Variants in CSGALNACT1 observed in about 807,000 individuals in gnomAD.
CSGALNACT1 encodes the protein beta4GalNAcT-1.
CSGALNACT1 carries 52 observed loss-of-function variants against 51.0 expected under a neutral mutation model. The observed-to-expected ratio is 1.02, with a 90% CI of 0.82 to 1.29. CSGALNACT1 has a LOEUF of 1.29. Among genes scored for constraint, CSGALNACT1 ranks in the 50% most tolerant of loss-of-function variants. The pLI is 0.00. For synonymous variants in CSGALNACT1, 341 were observed against 254.4 expected (o/e 1.34, Z -3.24); for missense variants, 935 against 679.2 (o/e 1.38, Z -4.19).
chr8:19,538,369 A>T (rs183618715), intron 3 of CSGALNACT1, among the ~76,000 whole-genome samples: 1 of 152,128 alleles, frequency 6.6e-6, no homozygotes, highest in African/African-American at 2.4e-5. Flanking sequence ...ATAAAAAAAA[A>T]GTCATATAAT....
intron 4 of CSGALNACT1, among the ~76,000 whole-genome samples, chr8:19,497,842 T>A (rs1432797118): frequency 6.6e-6 from 1 of 152,108 alleles, no homozygotes; most frequent in African/African-American, 2.4e-5. Flanking sequence ...ATTGCCTACT[T>A]TGGAGAGGCT....
intron 9 of CSGALNACT1, among the ~76,000 whole-genome samples, chr8:19,408,273 C>A (rs2054754401): frequency 1.3e-5 from 2 of 151,986 alleles, no homozygotes; most frequent in African/African-American, 2.4e-5. Flanking sequence ...TACTACCAGG[C>A]CCCCTCTTGG....
rs147396745 is a variant in CSGALNACT1 at position 19,477,258 on chromosome 8, C to T, written c.635-18616G>A. On this transcript the variant is annotated intron_variant, in intron 4 of 9. Transcript: ENST00000454498. ...GCTGGAACATAAGGCCACTCAGGCTCCCCATAGAGCTGGGCAGTGGGGGTT... is the reference window on the plus strand; with the variant it reads ...GCTGGAACATAAGGCCACTCAGGCTTCCCATAGAGCTGGGCAGTGGGGGTT... 2.2e-3 allele frequency among the ~76,000 whole-genome samples: 333 copies of T among 152,300 alleles called. 4 individuals carry two copies. Among genetic ancestry groups the T allele is most frequent in the African/African-American group, 7.5e-3 (310 of 41,550 alleles).
intron 2 of CSGALNACT1, among the ~76,000 whole-genome samples, chr8:19,596,530 C>T (rs1481024932): frequency 6.8e-6 from 1 of 147,200 alleles, no homozygotes; most frequent in East Asian, 2.0e-4. Flanking sequence ...TGAAGAAAAA[C>T]AAGTGAGAAA....
intron 4 of CSGALNACT1, among the ~76,000 whole-genome samples, chr8:19,471,699 A>G (rs1472182577): frequency 2.0e-5 from 3 of 152,186 alleles, no homozygotes; most frequent in Non-Finnish European, 4.4e-5. Context: ...AGCCTAAGGA[A>G]AGGTAGAGTA....
At chr8:19,657,391 G>A (rs2058379197) in intron 1 of CSGALNACT1, among the ~76,000 whole-genome samples, 1 of 152,200 alleles carries the variant, frequency 6.6e-6, no homozygotes, top group Non-Finnish European at 1.5e-5. Flanking sequence ...GAGGCAAGAT[G>A]TGAAGAAATA....
chr8:19,440,080 T>C (rs901384037), intron 5 of CSGALNACT1, 149 bp from the exon 5 acceptor site: 9 of 702,260 alleles, frequency 1.3e-5, no homozygotes, highest in African/African-American at 1.8e-5. Context: ...AGAACCTTTC[T>C]GGTTGGCCAT....
intron 4 of CSGALNACT1, among the ~76,000 whole-genome samples, chr8:19,474,447 C>T (rs899551741): frequency 7.9e-5 from 12 of 152,154 alleles, no homozygotes; most frequent in Non-Finnish European, 1.8e-4. Context: ...ATCGAAATAA[C>T]ATATCATTTC....
rs544839305 is a variant in CSGALNACT1 at position 19,517,556 on chromosome 8, G to A, written c.-296-11426C>T. 1.6e-4 allele frequency among the ~76,000 whole-genome samples: 24 copies of A among 152,314 alleles called. 1 individual carries two copies. The highest frequency in any genetic ancestry group is 5.3e-4 in the African/African-American group (22 of 41,578). On this transcript the variant is annotated intron_variant, in intron 3 of 9. Coordinates refer to ENST00000454498, the Ensembl canonical transcript of CSGALNACT1. ...CTGTTTTCATACTGCTGATAAAGAC[G>A]TGCCCGAGAGTGGGTCATTTATAAA...
At chr8:19,701,152 C>CTTTTTTTTT (rs1230956394) in intron 1 of CSGALNACT1, among the ~76,000 whole-genome samples, 30 of 54,282 alleles carry the variant, frequency 5.5e-4, no homozygotes, top group Admixed American at 9.0e-4. Flanking sequence ...ATCTATTATC[C>CTTTTTTTTT]GTTTTTTTTT....
At chr8:19,688,510 T>C (rs538716498) in intron 1 of CSGALNACT1, among the ~76,000 whole-genome samples, 9 of 152,298 alleles carry the variant, frequency 5.9e-5, no homozygotes, top group East Asian at 3.9e-4. Context: ...CCAGTGCCCA[T>C]TGTATATGTG....
intron 3 of CSGALNACT1, among the ~76,000 whole-genome samples, chr8:19,525,201 T>C (rs1225385238): frequency 6.6e-6 from 1 of 152,204 alleles, no homozygotes; most frequent in Non-Finnish European, 1.5e-5. Context: ...GAAAAACTAA[T>C]GTCAATTTTC....
chr8:19,495,022 G>C (rs1186879420), intron 4 of CSGALNACT1: 1 of 152,156 alleles, frequency 6.6e-6, no homozygotes, highest in Non-Finnish European at 1.5e-5. Flanking sequence ...CTAGGCAAAG[G>C]CTCAGCAGAT....
chr8:19,473,251 A>AT (rs932210355), intron 4 of CSGALNACT1, among the ~76,000 whole-genome samples: 1 of 152,140 alleles, frequency 6.6e-6, no homozygotes, highest in Non-Finnish European at 1.5e-5. Context: ...TTGCTAGAGG[A>AT]TTTTTTTGAT....
At chr8:19,564,856 T>G (rs148786739) in intron 3 of CSGALNACT1, among the ~76,000 whole-genome samples, 85 of 152,338 alleles carry the variant, frequency 5.6e-4, no homozygotes, top group African/African-American at 1.9e-3. Context: ...TTATCTGGGT[T>G]GTTCAGCACA....
intron 1 of CSGALNACT1, among the ~76,000 whole-genome samples, chr8:19,697,958 GA>G (rs2061666234): frequency 6.6e-6 from 1 of 152,170 alleles, no homozygotes; most frequent in African/African-American, 2.4e-5. Context: ...CAAGAATAGA[GA>G]AGTAAACACT....
intron 1 of CSGALNACT1, among the ~76,000 whole-genome samples, chr8:19,644,198 G>A (rs2057026051): frequency 6.6e-6 from 1 of 151,976 alleles, no homozygotes; most frequent in Non-Finnish European, 1.5e-5. Flanking sequence ...GCACACACAC[G>A]GATTAAAGGC....
chr8:19,425,582 G>C (rs1447746907), intron 6 of CSGALNACT1, among the ~76,000 whole-genome samples: 1 of 152,132 alleles, frequency 6.6e-6, no homozygotes, highest in African/African-American at 2.4e-5. Context: ...CACAAGAGTG[G>C]AAGCATCTAC....
intron 3 of CSGALNACT1, among the ~76,000 whole-genome samples, chr8:19,519,978 G>A (rs2080319601): frequency 6.6e-6 from 1 of 152,224 alleles, no homozygotes; most frequent in Non-Finnish European, 1.5e-5. Context: ...CACCCACTGT[G>A]GCAATGCCGG....
Sources: gnomAD v4.1 joint callset for allele counts (sites outside exome capture counted in the v4.1 genomes callset) on GRCh38, gnomAD v4.1.1 for gene constraint, MANE v1.5 for transcripts, NCBI Gene and HGNC (gene_info 2026-07-23, HGNC 2026-07-21) for gene names.